NEO1: variants seen among roughly 807,000 people sequenced by gnomAD.
The protein encoded by NEO1 is neogenin 1.
NEO1 carries 63 observed loss-of-function variants against 159.7 expected under a neutral mutation model. The ratio of observed to expected loss-of-function variants is 0.39; its 90% CI spans 0.32 to 0.49. The LOEUF (loss-of-function observed/expected upper bound fraction) is 0.49, where lower values mean the gene tolerates loss of function less well. Ranked by LOEUF, NEO1 falls within the 20% of genes least tolerant of loss-of-function variation. The pLI is 0.85. For synonymous variants in NEO1, 633 were observed against 662.0 expected (o/e 0.96, Z 0.67); for missense variants, 1,615 against 1,831.0 (o/e 0.88, Z 2.15).
chr15:73,056,154 T>A (rs1248324510), intron 1 of NEO1, among the ~76,000 whole-genome samples: 1 of 152,172 alleles, frequency 6.6e-6, no homozygotes, highest in Non-Finnish European at 1.5e-5. Context: ...TTACCTCTGT[T>A]CTCCCAAACC....
rs1567609569 is a variant in NEO1, at chr15:73,253,469, C to T, written c.1944+20C>T. 1 of 1,577,064 alleles carries T rather than the reference C, an allele frequency of 6.3e-7. No homozygotes were observed. The highest frequency in any genetic ancestry group is 1.7e-5 in the Admixed American group (1 of 57,872). ...TCAAAGGTAAAACTGTATGATGCTG[C>T]TGTTCATTTTTACTGGTATACTGTT... On this transcript the variant is annotated intron_variant, in intron 12 of 28. Transcript: ENST00000261908.
chr15:73,238,290 T>G lies in NEO1; in HGVS notation c.1451+1784T>G, dbSNP rs1197957324. Among the ~76,000 whole-genome samples the G allele has an allele frequency of 6.2e-5, 9 of 144,414 alleles. No homozygotes were observed. In the South Asian group the frequency reaches 1.3e-3, roughly 22 times the overall value. The allele number at this position is 144,414 out of a possible 152,430, so 94.7% of individuals were successfully genotyped here. On this transcript the variant is annotated intron_variant, in intron 8 of 28. Transcript: ENST00000261908. ...GTTTGGGTTTTTTTTTTTTTTTTTTTTTTTTTTTTTGAGAGCACTTACTAC... is the reference window on the plus strand; with the variant it reads ...GTTTGGGTTTTTTTTTTTTTTTTTTGTTTTTTTTTTGAGAGCACTTACTAC...
chr15:73,118,915 C>CTA (rs1442430243), intron 2 of NEO1, among the ~76,000 whole-genome samples: 1 of 152,112 alleles, frequency 6.6e-6, no homozygotes, highest in East Asian at 1.9e-4. Flanking sequence ...ATAGGCAATA[C>CTA]TATAGTGAAC....
chr15:73,178,344 C>T lies in NEO1; in HGVS notation c.1208C>T (p.Ser403Leu). ...HNLQVLGLVKSDEGFYQCIAE... is the reference protein window; with the variant it reads ...HNLQVLGLVKLDEGFYQCIAE... ...CTTCAAGTTTTGGGTCTGGTGAAAT[C>T]AGATGAAGGGTTCTATCAGTGCATT... The change falls in exon 7 of 29, where the codon TCA becomes TTA. Residue 403 changes from serine to leucine, a missense_variant. Physicochemically the swap from Ser to Leu is moderately radical, Grantham distance 145 (BLOSUM62 -2). Transcript: ENST00000261908. The T allele has an allele frequency of 6.2e-7, 1 of 1,613,472 alleles. No homozygotes were observed. Among genetic ancestry groups the T allele is most frequent in the Non-Finnish European group, 8.5e-7 (1 of 1,179,670 alleles).
intron 7 of NEO1, among the ~76,000 whole-genome samples, chr15:73,187,080 A>G (rs868133654): frequency 1.3e-5 from 2 of 152,348 alleles, no homozygotes; most frequent in Middle Eastern, 6.8e-3. Flanking sequence ...TTGTAAGATT[A>G]TTACTGCACA....
At chr15:73,281,155 C>G (rs187319427) in intron 22 of NEO1, among the ~76,000 whole-genome samples, 9 of 139,816 alleles carry the variant, frequency 6.4e-5, no homozygotes, top group Non-Finnish European at 1.4e-4. Context: ...TTGCAGTGAG[C>G]GGAGATTGTG....
intron 1 of NEO1, among the ~76,000 whole-genome samples, chr15:73,053,785 A>C (rs1358818842): frequency 6.6e-6 from 1 of 152,244 alleles, no homozygotes; most frequent in Admixed American, 6.5e-5. Context: ...AAGGTGGTGT[A>C]CCATAAAACT....
rs2042232142 is a variant in NEO1, at chr15:73,293,381, C to G, written c.3743-9C>G. 1 of 1,613,830 alleles carries G rather than the reference C, an allele frequency of 6.2e-7. No individual in the cohort carries two copies. The highest frequency in any genetic ancestry group is 8.5e-7 in the Non-Finnish European group (1 of 1,179,912). On this transcript the variant is annotated splice_polypyrimidine_tract_variant and intron_variant, in intron 25 of 28. Transcript: ENST00000261908. Reference sequence around the variant, plus strand: ...GTTAAGCATTTCTCTGTCTTGTGTTCATTCACAGCTGTGATTAGTGCCCAT... The same window carrying G: ...GTTAAGCATTTCTCTGTCTTGTGTTGATTCACAGCTGTGATTAGTGCCCAT...
chr15:73,136,354 A>G (rs1216181109), intron 5 of NEO1, among the ~76,000 whole-genome samples: 3 of 152,214 alleles, frequency 2.0e-5, no homozygotes, highest in Middle Eastern at 3.4e-3. Context: ...TGAAAGCTCA[A>G]TGTTAGTTAT....
chr15:73,299,358 C>G (rs2042511309), intron 27 of NEO1, among the ~76,000 whole-genome samples: 2 of 151,412 alleles, frequency 1.3e-5, no homozygotes, highest in South Asian at 4.2e-4. Context: ...AGATAAGTAG[C>G]ATATTTTTAT....
chr15:73,072,802 T>C lies in NEO1; in HGVS notation c.130+19997T>C, dbSNP rs1038149598. 1.4e-4 allele frequency among the ~76,000 whole-genome samples: 21 copies of C among 152,096 alleles called. 1 individual carries two copies. The highest frequency in any genetic ancestry group is 3.9e-4 in the African/African-American group (16 of 41,406). ...TTTACAGAGGTAAATTGGATTAGCA[T>C]GATGGCAGTGTAGAGAAGTACATGG... On this transcript the variant is annotated intron_variant, in intron 1 of 28. Coordinates refer to ENST00000261908, the MANE Select transcript of NEO1 (RefSeq NM_002499.4).
At chr15:73,286,961 A>C (rs1402844062) in intron 23 of NEO1, among the ~76,000 whole-genome samples, 2 of 152,058 alleles carry the variant, frequency 1.3e-5, no homozygotes, top group African/African-American at 4.8e-5. Context: ...TCTTCACATC[A>C]CAGCTGGTAT....
intron 1 of NEO1, among the ~76,000 whole-genome samples, chr15:73,058,876 T>C (rs1481756129): frequency 2.0e-5 from 3 of 152,204 alleles, no homozygotes; most frequent in Non-Finnish European, 4.4e-5. Context: ...TATTCAGTTA[T>C]TGTGTTCCAA....
intron 7 of NEO1, among the ~76,000 whole-genome samples, chr15:73,198,591 G>T (rs1317405060): frequency 6.6e-6 from 1 of 151,648 alleles, no homozygotes; most frequent in Non-Finnish European, 1.5e-5. Context: ...AGATTGAGTG[G>T]TTTCTTTAAA....
At chr15:73,240,904 A>G (rs2039457248) in intron 8 of NEO1, among the ~76,000 whole-genome samples, 1 of 152,242 alleles carries the variant, frequency 6.6e-6, no homozygotes, top group Non-Finnish European at 1.5e-5. Flanking sequence ...TAATTGTTAC[A>G]TAAACAAAAC....
chr15:73,259,369 A>ATTTTTTT (rs2040513909), intron 14 of NEO1, among the ~76,000 whole-genome samples: 2 of 38,864 alleles, frequency 5.1e-5, no homozygotes, highest in East Asian at 1.3e-3. Context: ...TCATTTTACT[A>ATTTTTTT]ATTTTTTTTT....
Position 73,236,469 on chromosome 15 carries a change from A to G in NEO1, c.1414A>G (p.Thr472Ala), listed in dbSNP as rs1179980329. Residue 472 changes from threonine (T) to alanine (A), a missense_variant, in exon 8 of 29, where the codon ACC becomes GCC. Thr to Ala is a moderately conservative substitution (Grantham distance 58). Coordinates refer to ENST00000261908, the MANE Select transcript of NEO1 (RefSeq NM_002499.4). ...PASDPHGDNL[T>A]YSVFYTKEGI... ...ATCAGATCCTCACGGAGACAACCTT[A>G]CCTACTCTGTGTTCTACACCAAGGA... 1 of 1,613,854 alleles carries G rather than the reference A, an allele frequency of 6.2e-7. No homozygotes were observed. The highest frequency in any genetic ancestry group is 8.5e-7 in the Non-Finnish European group (1 of 1,179,932).
At chr15:73,197,117 T>C (rs2036572344) in intron 7 of NEO1, among the ~76,000 whole-genome samples, 1 of 152,112 alleles carries the variant, frequency 6.6e-6, no homozygotes, top group African/African-American at 2.4e-5. Context: ...CCCAGCACTT[T>C]GGGAGGCCAA....
chr15:73,200,444 G>A (rs1265400677), intron 7 of NEO1, among the ~76,000 whole-genome samples: 2 of 151,086 alleles, frequency 1.3e-5, no homozygotes, highest in Non-Finnish European at 3.0e-5. Context: ...TTAAGAGAGA[G>A]AGGGAGAGGG....
Sources: gnomAD v4.1 joint callset for allele counts (sites outside exome capture counted in the v4.1 genomes callset) on GRCh38, gnomAD v4.1.1 for gene constraint, MANE v1.5 for transcripts, NCBI Gene and HGNC (gene_info 2026-07-23, HGNC 2026-07-21) for gene names.